Variants in MTFMT observed in about 807,000 individuals in gnomAD.
The protein encoded by MTFMT is mitochondrial methionyl-tRNA formyltransferase.
MTFMT carries 47 observed loss-of-function variants against 51.8 expected under a neutral mutation model. The observed-to-expected ratio is 0.91, with a 90% CI of 0.72 to 1.16. The LOEUF is 1.16. Among genes scored for constraint, MTFMT ranks in the 50% most tolerant of loss-of-function variants. The pLI is 0.00. For missense variants in MTFMT, 512 were observed against 482.3 expected, an observed-to-expected ratio of 1.06 and a Z score of -0.58; for synonymous variants, 196 against 176.7, an observed-to-expected ratio of 1.11 and a Z score of -0.87.
chr15:65,003,257 C>T lies in MTFMT; in HGVS notation c.976-1G>A. The T allele has an allele frequency of 6.2e-7, 1 of 1,611,350 alleles. No individual in the cohort carries two copies. The highest frequency in any genetic ancestry group is 8.5e-7 in the Non-Finnish European group (1 of 1,178,468). On this transcript the variant is annotated splice_acceptor_variant, in intron 8 of 8. Transcript: ENST00000220058. LOFTEE classifies it high-confidence loss of function. ...CTGATCGAACACCAATCCAACCATC[C>T]TAAAGGGCAAAATACAAATAGTGAA...
At chr15:65,026,741 C>A in intron 2 of MTFMT, 90 bp downstream of exon 2, 2 of 978,298 alleles carry the variant, frequency 2.0e-6, no homozygotes, top group South Asian at 1.8e-5. Context: ...TTACAGAAAG[C>A]ATAGAGTTCA....
In MTFMT at chr15:65,024,520, TTTAA is replaced by T. The variant is rs2086404855; in HGVS notation, c.420-730_420-727del. On this transcript the variant is annotated intron_variant, in intron 2 of 8. Transcript: ENST00000220058. ...CTAAAATAAGCTTTTTCTTTTTTTT[TTTAA>T]TTTTTTTTTGAGACAGGGTCTCGCT... 2.0e-5 allele frequency among the ~76,000 whole-genome samples: 3 copies of T among 152,246 alleles called. No homozygotes were observed. In the South Asian group the frequency reaches 6.2e-4, roughly 32 times the overall value.
intron 5 of MTFMT, among the ~76,000 whole-genome samples, chr15:65,019,226 T>C (rs2086349951): frequency 6.6e-6 from 1 of 152,246 alleles, no homozygotes; most frequent in Admixed American, 6.5e-5. Context: ...AAACTTAGCT[T>C]CACTTGCTTT....
intron 5 of MTFMT, among the ~76,000 whole-genome samples, chr15:65,017,768 A>G (rs2086336449): frequency 6.6e-6 from 1 of 152,066 alleles, no homozygotes; most frequent in Non-Finnish European, 1.5e-5. Flanking sequence ...ATTGCACTTC[A>G]GCCTGGGTAA....
intron 6 of MTFMT, among the ~76,000 whole-genome samples, chr15:65,013,948 A>AAAAAAAAC (rs2086293135): frequency 6.6e-6 from 1 of 152,010 alleles, no homozygotes; most frequent in Non-Finnish European, 1.5e-5. Flanking sequence ...ATCTCAAAAA[A>AAAAAAAAC]AAAAAACAAA....
At chr15:65,004,519 G>C (rs1005153058) in intron 8 of MTFMT, among the ~76,000 whole-genome samples, 1 of 152,186 alleles carries the variant, frequency 6.6e-6, no homozygotes, top group African/African-American at 2.4e-5. Flanking sequence ...GTGTCCTGTA[G>C]TAGTTCAGTC....
chr15:65,006,951 A>C (rs1257872008), intron 6 of MTFMT, among the ~76,000 whole-genome samples: 1 of 152,200 alleles, frequency 6.6e-6, no homozygotes, highest in Non-Finnish European at 1.5e-5. Flanking sequence ...CCAGGTCATT[A>C]TGCACAGTGG....
At chr15:65,016,297 T>C in intron 6 of MTFMT, 139 bp downstream of exon 6, 1 of 560,214 alleles carries the variant, frequency 1.8e-6, no homozygotes, top group Non-Finnish European at 3.2e-6. Flanking sequence ...TTTCAGGTTT[T>C]CTAGGTTTTG....
intron 6 of MTFMT, among the ~76,000 whole-genome samples, chr15:65,013,922 G>A (rs2086292324): frequency 6.7e-6 from 1 of 149,526 alleles, no homozygotes; most frequent in Admixed American, 6.7e-5. Flanking sequence ...CAGCCTAGGC[G>A]ACAGGGCGAG....
intron 1 of MTFMT, among the ~76,000 whole-genome samples, chr15:65,027,470 A>G (rs1031512984): frequency 3.9e-5 from 6 of 152,134 alleles, no homozygotes; most frequent in African/African-American, 1.4e-4. Flanking sequence ...AAGTGCTGGG[A>G]TTACAGGCGT....
chr15:65,027,100 A>G, intron 1 of MTFMT, 60 bp from the exon 2 acceptor site: 1 of 1,196,622 alleles, frequency 8.4e-7, no homozygotes, highest in South Asian at 1.3e-5. Context: ...AGCTAAAACT[A>G]CTTCACATAT....
intron 5 of MTFMT, among the ~76,000 whole-genome samples, chr15:65,017,269 A>G (rs545701426): frequency 1.0e-3 from 159 of 152,246 alleles, no homozygotes; most frequent in African/African-American, 3.8e-3. Context: ...AAGATATACT[A>G]CCACCCAGAA....
chr15:65,013,764 T>C (rs1209899919), intron 6 of MTFMT, among the ~76,000 whole-genome samples: 4 of 151,548 alleles, frequency 2.6e-5, no homozygotes, highest in African/African-American at 9.7e-5. Flanking sequence ...GCCAACATGG[T>C]GAAACCCCAT....
rs1043187101 is a variant in MTFMT, at chr15:65,002,775, C to T, written c.*287G>A. ...GTCAGGAGTTCGAGACCAGCCTGACCAACATGGTGAAACCCCATCTCTACT... is the reference window on the plus strand; with the variant it reads ...GTCAGGAGTTCGAGACCAGCCTGACTAACATGGTGAAACCCCATCTCTACT... On this transcript the variant is annotated 3_prime_UTR_variant, in exon 9 of 9. Transcript: ENST00000220058. 5.7e-6 allele frequency: 1 copy of T among 175,908 alleles called. No individual in the cohort carries two copies. Among genetic ancestry groups the T allele is most frequent in the African/African-American group, 2.4e-5 (1 of 41,848 alleles). 10.9% of individuals were successfully genotyped at this position (175,908 alleles called of 1,614,324 possible).
At chr15:65,007,046 G>A (rs563534748) in intron 6 of MTFMT, among the ~76,000 whole-genome samples, 1 of 152,306 alleles carries the variant, frequency 6.6e-6, no homozygotes, top group African/African-American at 2.4e-5. Flanking sequence ...GCGTGGCTCA[G>A]ACTAAGGGCC....
rs1358489616 is a variant in MTFMT, at chr15:65,004,855, T to C, written c.974A>G (p.Lys325Arg). Residue 325 changes from lysine (K) to arginine (R), a missense_variant and splice_region_variant, in exon 8 of 9, where the codon AAG becomes AGG. Lys to Arg is a conservative substitution (Grantham distance 26). Transcript: ENST00000220058. ...KQSQILLVYC[K>R]DGWIGVRSVM... is the part of the protein sequence containing the mutation. ...ACTTGAAACTAATGAAAAACATACC[T>C]TGCAATAAACCAATAGTATTTGTGA... The C allele has an allele frequency of 6.3e-7, 1 of 1,582,392 alleles. No individual in the cohort carries two copies. The highest frequency in any genetic ancestry group is 8.6e-7 in the Non-Finnish European group (1 of 1,156,284).
intron 5 of MTFMT, among the ~76,000 whole-genome samples, chr15:65,017,489 A>G (rs1339345555): frequency 6.6e-6 from 1 of 152,244 alleles, no homozygotes; most frequent in Non-Finnish European, 1.5e-5. Context: ...TGGGTTAATT[A>G]TGATATATTC....
intron 1 of MTFMT, among the ~76,000 whole-genome samples, chr15:65,028,042 G>T (rs1024640482): frequency 6.6e-6 from 1 of 152,166 alleles, no homozygotes; most frequent in Non-Finnish European, 1.5e-5. Context: ...GTATGTACAC[G>T]TTGAGGAGTT....
At position 65,006,147 on chromosome 15, in the gene MTFMT, C is replaced by T; in HGVS notation, c.858G>A (p.Leu286=). The change falls in exon 7 of 9, where the codon CTG becomes CTA. Residue 286 remains leucine (L), a synonymous_variant. Transcript: ENST00000220058. ...CTGAACTGTTAACTTCTACCAAATCCAGAAGTTTAATGGTATTCGCCATCC... is the reference window on the plus strand; with the variant it reads ...CTGAACTGTTAACTTCTACCAAATCTAGAAGTTTAATGGTATTCGCCATCC... The part of the protein sequence containing the change: ...TLWMANTIKL[L]DLVEVNSSVL... The T allele has an allele frequency of 6.2e-7, 1 of 1,612,842 alleles. No homozygotes were observed. Among genetic ancestry groups the T allele is most frequent in the Non-Finnish European group, 8.5e-7 (1 of 1,179,266 alleles).
Sources: gnomAD v4.1 joint callset for allele counts (sites outside exome capture counted in the v4.1 genomes callset) on GRCh38, gnomAD v4.1.1 for gene constraint, MANE v1.5 for transcripts, NCBI Gene and HGNC (gene_info 2026-07-23, HGNC 2026-07-21) for gene names.